GPC5: variants seen among roughly 807,000 people sequenced by gnomAD.
The protein encoded by GPC5 is glypican-5.
GPC5 carries 47 observed loss-of-function variants against 53.9 expected under a neutral mutation model. The observed-to-expected ratio is 0.87, with a 90% CI of 0.69 to 1.11. The LOEUF (loss-of-function observed/expected upper bound fraction) is 1.11, where lower values mean the gene tolerates loss of function less well. Among genes scored for constraint, GPC5 ranks in the 50% most tolerant of loss-of-function variants. The pLI is 0.00. For synonymous variants in GPC5, 286 were observed against 263.3 expected (o/e 1.09, Z -0.84); for missense variants, 748 against 713.1 (o/e 1.05, Z -0.56).
At chr13:92,419,650 A>T (rs1039599649) in intron 7 of GPC5, among the ~76,000 whole-genome samples, 1 of 152,224 alleles carries the variant, frequency 6.6e-6, no homozygotes, top group African/African-American at 2.4e-5. Context: ...TTTGACAATT[A>T]TTGAAAATGG....
chr13:92,699,856 T>C (rs939496782), intron 7 of GPC5, among the ~76,000 whole-genome samples: 1 of 152,166 alleles, frequency 6.6e-6, no homozygotes, highest in Non-Finnish European at 1.5e-5. Context: ...AATGATGTGG[T>C]CAACTTTAGA....
intron 7 of GPC5, among the ~76,000 whole-genome samples, chr13:92,548,151 C>A (rs1167832082): frequency 4.0e-5 from 6 of 151,800 alleles, no homozygotes; most frequent in East Asian, 1.9e-4. Context: ...GGCTATTATT[C>A]TTTTAAAATT....
chr13:92,561,791 G>T (rs1296618604), intron 7 of GPC5, among the ~76,000 whole-genome samples: 1 of 152,020 alleles, frequency 6.6e-6, no homozygotes, highest in African/African-American at 2.4e-5. Context: ...TATGGCAGGA[G>T]GGCAGCTACT....
intron 7 of GPC5, among the ~76,000 whole-genome samples, chr13:92,510,917 T>C (rs1880540167): frequency 6.6e-6 from 1 of 152,204 alleles, no homozygotes; most frequent in South Asian, 2.1e-4. Flanking sequence ...CTCTAGGAAA[T>C]GGAATGAAGT....
intron 2 of GPC5, among the ~76,000 whole-genome samples, chr13:91,503,639 G>T (rs1364109720): frequency 6.6e-6 from 1 of 151,576 alleles, no homozygotes; most frequent in Non-Finnish European, 1.5e-5. Context: ...AATTAGCTGG[G>T]CATGGTGGTG....
Position 92,144,971 on chromosome 13 carries a change from A to T in GPC5, c.1543A>T (p.Thr515Ser). Residue 515 changes from threonine to serine, a missense_variant, in exon 7 of 8, where the codon ACA (threonine) becomes TCA (serine). Coordinates refer to ENST00000377067, the MANE Select transcript of GPC5 (RefSeq NM_004466.6). The stretch of plus-strand genomic sequence containing the variant: ...ATCAGGAAGTGGAGAAGTCAAGAGG[A>T]CACTGAAGATCACAGACTGTAAGTG... ...GGSGSGEVKR[T>S]LKITDWMPDD... The T allele has an allele frequency of 6.5e-7, 1 of 1,532,000 alleles. No individual in the cohort carries two copies. The highest frequency in any genetic ancestry group is 8.7e-7 in the Non-Finnish European group (1 of 1,144,428). 94.9% of individuals were successfully genotyped at this position (1,532,000 alleles called of 1,614,324 possible). A position where few individuals can be genotyped will look rare whatever the true frequency, so the allele number is the denominator to read the frequency against.
chr13:91,835,571 C>A (rs2038714182), intron 5 of GPC5, among the ~76,000 whole-genome samples: 1 of 152,132 alleles, frequency 6.6e-6, no homozygotes, highest in Admixed American at 6.6e-5. Flanking sequence ...AGGATAAGTT[C>A]ATGTCCTTTG....
chr13:92,828,942 G>A (rs746355539), intron 7 of GPC5, among the ~76,000 whole-genome samples: 20 of 152,060 alleles, frequency 1.3e-4, no homozygotes, highest in African/African-American at 2.2e-4. Context: ...TCGCCACCAC[G>A]CAATACATCC....
intron 3 of GPC5, among the ~76,000 whole-genome samples, chr13:91,707,807 A>C (rs914371084): frequency 6.6e-6 from 1 of 151,922 alleles, no homozygotes; most frequent in African/African-American, 2.4e-5. Context: ...ATGCCAAGGT[A>C]TATTCCCAAG....
rs565127868 is a variant in GPC5, at chr13:92,295,710, G to A, written c.1561+150721G>A. 2.8e-4 allele frequency among the ~76,000 whole-genome samples: 43 copies of A among 152,274 alleles called. 1 individual carries two copies. The South Asian group carries it at 8.9e-3, about 32-fold the overall frequency. ...ACAAGGCCTTTTATCATTATATAAT[G>A]TCCCTCTTTGTCTCTTTTAACTCCT... On this transcript the variant is annotated intron_variant, in intron 7 of 7. Coordinates refer to ENST00000377067, the MANE Select transcript of GPC5 (RefSeq NM_004466.6).
At chr13:92,771,024 A>C (rs1267730430) in intron 7 of GPC5, among the ~76,000 whole-genome samples, 1 of 152,072 alleles carries the variant, frequency 6.6e-6, no homozygotes, top group African/African-American at 2.4e-5. Context: ...GGTGGTGGTA[A>C]AAGTCCTGAC....
intron 2 of GPC5, among the ~76,000 whole-genome samples, chr13:91,462,049 T>G (rs1395662961): frequency 6.6e-6 from 1 of 152,190 alleles, no homozygotes; most frequent in African/African-American, 2.4e-5. Flanking sequence ...TAAGTGGTAT[T>G]AAATTGCTAT....
At chr13:92,478,607 A>AAATCT (rs1474267179) in intron 7 of GPC5, among the ~76,000 whole-genome samples, 2 of 152,198 alleles carry the variant, frequency 1.3e-5, no homozygotes, top group Non-Finnish European at 2.9e-5. Context: ...GGGAATATGT[A>AAATCT]AATCTATATC....
chr13:92,653,954 A>G (rs1438211285), intron 7 of GPC5, among the ~76,000 whole-genome samples: 2 of 152,236 alleles, frequency 1.3e-5, no homozygotes, highest in Non-Finnish European at 2.9e-5. Context: ...AATATTCAGC[A>G]TGACTAGGGC....
At position 92,552,457 on chromosome 13, in the gene GPC5, A is replaced by T. The variant is rs768438807; in HGVS notation, c.1562-313825A>T. 5.9e-5 allele frequency among the ~76,000 whole-genome samples: 9 copies of T among 152,102 alleles called. 1 individual carries two copies. The South Asian group carries it at 1.9e-3, about 31-fold the overall frequency. On this transcript the variant is annotated intron_variant, in intron 7 of 7. Transcript: ENST00000377067. ...TTTGAAGAGCAAGAAAATTAAAATA[A>T]AACTAAGTTACTTTGTAAGGGGAAG...
chr13:92,383,141 C>G (rs1302511305), intron 7 of GPC5, among the ~76,000 whole-genome samples: 1 of 151,820 alleles, frequency 6.6e-6, no homozygotes, highest in Non-Finnish European at 1.5e-5. Context: ...AGTCATTGTT[C>G]TCACATCCTC....
intron 7 of GPC5, among the ~76,000 whole-genome samples, chr13:92,200,466 G>A (rs540711834): frequency 1.3e-5 from 2 of 152,286 alleles, no homozygotes; most frequent in South Asian, 4.1e-4. Flanking sequence ...AGCAAAACAG[G>A]TAATTATTTG....
At chr13:92,378,396 C>T (rs1452113042) in intron 7 of GPC5, among the ~76,000 whole-genome samples, 2 of 152,202 alleles carry the variant, frequency 1.3e-5, no homozygotes, top group African/African-American at 4.8e-5. Flanking sequence ...AATTACTCTT[C>T]ACATATCCTT....
chr13:92,617,225 G>A (rs1057061318), intron 7 of GPC5, among the ~76,000 whole-genome samples: 4 of 152,064 alleles, frequency 2.6e-5, no homozygotes, highest in South Asian at 2.1e-4. Context: ...GAGGTTGTCC[G>A]CTGTAACGTC....
Sources: allele counts gnomAD v4.1 joint callset (sites outside exome capture counted in the v4.1 genomes callset), GRCh38; gene constraint gnomAD v4.1.1; transcripts MANE v1.5; gene names NCBI Gene and HGNC (gene_info 2026-07-23, HGNC 2026-07-21).